PCDHA11: variants seen among roughly 807,000 people sequenced by gnomAD.
The protein encoded by PCDHA11 is protocadherin alpha 11.
A neutral mutation model predicts 70.3 loss-of-function variants in PCDHA11; 61 were observed. That is an observed-to-expected ratio of 0.87 (90% CI 0.71 to 1.07). The LOEUF (loss-of-function observed/expected upper bound fraction) is 1.07, where lower values mean the gene tolerates loss of function less well. Ranked by LOEUF, PCDHA11 falls within the 50% of genes least tolerant of loss-of-function variation. The pLI is 0.00. For missense variants in PCDHA11, 1,324 were observed against 1,237.5 expected (o/e 1.07, Z -1.05); for synonymous variants, 633 against 555.1 (o/e 1.14, Z -1.97).
intron 3 of PCDHA11, among the ~76,000 whole-genome samples, chr5:140,994,862 G>A (rs1434007632): frequency 1.3e-5 from 2 of 152,174 alleles, no homozygotes; most frequent in African/African-American, 4.8e-5. Flanking sequence ...TTTGATGGAT[G>A]TGGTAGAATA....
chr5:140,928,771 A>G lies in PCDHA11; in HGVS notation c.2392-50178A>G, dbSNP rs1554206294. 2 of 1,613,880 alleles carry G rather than the reference A, an allele frequency of 1.2e-6. No individual in the cohort carries two copies. Among genetic ancestry groups the G allele is most frequent in the East Asian group, 2.2e-5 (1 of 44,892 alleles). ...CCGTACTGCTCGCTTAGTTCTTCCC[A>G]CTGATGCAGTTAAGCAGAGGGTGGT... On this transcript the variant is annotated intron_variant, in intron 1 of 3. Coordinates refer to ENST00000398640, the MANE Select transcript of PCDHA11 (RefSeq NM_018902.5).
At chr5:140,899,193 G>T (rs2153463118) in intron 1 of PCDHA11, among the ~76,000 whole-genome samples, 1 of 151,990 alleles carries the variant, frequency 6.6e-6, no homozygotes, top group Middle Eastern at 3.4e-3. Context: ...TCCTTCTCCT[G>T]CCTAATTGCC....
chr5:140,965,975 T>TGA (rs1554227957), intron 1 of PCDHA11, among the ~76,000 whole-genome samples: 1 of 152,180 alleles, frequency 6.6e-6, no homozygotes, highest in Non-Finnish European at 1.5e-5. Flanking sequence ...CCCTAGGAGT[T>TGA]GAGCACTTTC....
intron 1 of PCDHA11, among the ~76,000 whole-genome samples, chr5:140,901,940 T>A (rs1444811552): frequency 6.6e-6 from 1 of 152,172 alleles, no homozygotes; most frequent in Non-Finnish European, 1.5e-5. Context: ...CCTAGGTATA[T>A]TTAGTTTTAT....
intron 1 of PCDHA11, among the ~76,000 whole-genome samples, chr5:140,879,121 G>C (rs148259888): frequency 6.6e-6 from 1 of 152,330 alleles, no homozygotes; most frequent in Non-Finnish European, 1.5e-5. Context: ...TGAAGGATTA[G>C]AGCAGGGGAG....
chr5:140,967,627 C>T (rs1218869340), intron 1 of PCDHA11: 5 of 1,614,158 alleles, frequency 3.1e-6, no homozygotes, highest in South Asian at 2.2e-5. Context: ...CGGATGAGGG[C>T]TCCAATGGTG....
chr5:140,957,473 G>A (rs1307847703), intron 1 of PCDHA11, among the ~76,000 whole-genome samples: 1 of 151,954 alleles, frequency 6.6e-6, no homozygotes, highest in Non-Finnish European at 1.5e-5. Context: ...GTATGTATAG[G>A]AAAAAACATA....
At chr5:140,936,007 C>G (rs1338541274) in intron 1 of PCDHA11, among the ~76,000 whole-genome samples, 3 of 151,820 alleles carry the variant, frequency 2.0e-5, no homozygotes, top group African/African-American at 7.3e-5. Flanking sequence ...ATTCTCCCAC[C>G]TCAGCCTCCC....
At chr5:140,927,489 C>T (rs147183638) in intron 1 of PCDHA11, 63 of 1,614,126 alleles carry the variant, frequency 3.9e-5, no homozygotes, top group Non-Finnish European at 4.8e-5. Flanking sequence ...GCGCCACCCA[C>T]CTGCTGGTGC....
rs2098422174 is a variant in PCDHA11 at position 141,011,893 on chromosome 5, T to G, written c.*1956T>G. On this transcript the variant is annotated 3_prime_UTR_variant, in exon 4 of 4. Coordinates refer to ENST00000398640, the MANE Select transcript of PCDHA11 (RefSeq NM_018902.5). ...CAATTTAGAAGTTTGATTAATTATATTATCTATTTAGGCATTAATATAAAA... is the reference window on the plus strand; with the variant it reads ...CAATTTAGAAGTTTGATTAATTATAGTATCTATTTAGGCATTAATATAAAA... The G allele has an allele frequency of 6.5e-6, 1 of 153,362 alleles. No individual in the cohort carries two copies. Among genetic ancestry groups the G allele is most frequent in the Admixed American group, 6.5e-5 (1 of 15,272 alleles). 9.5% of individuals were successfully genotyped at this position (153,362 alleles called of 1,614,324 possible). A position where few individuals can be genotyped will look rare whatever the true frequency, so the allele number is the denominator to read the frequency against.
chr5:140,918,321 T>C (rs1175303192), intron 1 of PCDHA11, among the ~76,000 whole-genome samples: 2 of 152,054 alleles, frequency 1.3e-5, no homozygotes, highest in Non-Finnish European at 2.9e-5. Flanking sequence ...GGTATAAAAT[T>C]ATATTGTCTG....
intron 1 of PCDHA11, chr5:140,966,860 T>C (rs1586162562): frequency 3.2e-6 from 5 of 1,577,484 alleles, no homozygotes; most frequent in East Asian, 2.3e-5. Context: ...CCTGCTGCTG[T>C]TGCTGCTGCT....
chr5:140,992,363 G>T (rs1028043863), intron 3 of PCDHA11, among the ~76,000 whole-genome samples: 2 of 152,136 alleles, frequency 1.3e-5, no homozygotes, highest in Non-Finnish European at 2.9e-5. Context: ...GAGAAAAATG[G>T]TTCCCATTAC....
chr5:140,940,073 A>G (rs1197351000), intron 1 of PCDHA11, among the ~76,000 whole-genome samples: 1 of 152,182 alleles, frequency 6.6e-6, no homozygotes, highest in Non-Finnish European at 1.5e-5. Context: ...AATATGTGAT[A>G]TCTTTCTGCT....
intron 1 of PCDHA11, among the ~76,000 whole-genome samples, chr5:140,910,407 C>T (rs781871391): frequency 6.6e-6 from 1 of 152,134 alleles, no homozygotes; most frequent in Non-Finnish European, 1.5e-5. Context: ...CCTGCCACCT[C>T]GAGATCCAAT....
intron 1 of PCDHA11, among the ~76,000 whole-genome samples, chr5:140,957,433 A>G (rs2095359030): frequency 6.6e-6 from 1 of 152,202 alleles, no homozygotes; most frequent in Non-Finnish European, 1.5e-5. Flanking sequence ...TACTGTGCCT[A>G]ATTTATAAAT....
chr5:140,939,488 T>C (rs1554212750), intron 1 of PCDHA11, among the ~76,000 whole-genome samples: 1 of 151,188 alleles, frequency 6.6e-6, no homozygotes, highest in Non-Finnish European at 1.5e-5. Flanking sequence ...AGAATGTTAA[T>C]TATAAATTCA....
chr5:141,008,633 A>G (rs1212403774), intron 3 of PCDHA11, among the ~76,000 whole-genome samples: 1 of 152,212 alleles, frequency 6.6e-6, no homozygotes, highest in African/African-American at 2.4e-5. Context: ...AGTATAATTA[A>G]CAATTTCTTC....
intron 1 of PCDHA11, chr5:140,967,804 A>G (rs1168632160): frequency 6.2e-7 from 1 of 1,614,090 alleles, no homozygotes; most frequent in Admixed American, 1.7e-5. Flanking sequence ...TGCCCATGGC[A>G]GGTCACTGCA....
Sources: gnomAD v4.1 joint callset for allele counts (sites outside exome capture counted in the v4.1 genomes callset) on GRCh38, gnomAD v4.1.1 for gene constraint, MANE v1.5 for transcripts, NCBI Gene and HGNC (gene_info 2026-07-23, HGNC 2026-07-21) for gene names.